SCP2: variants seen among roughly 807,000 people sequenced by gnomAD.
SCP2 encodes SCP-2/3-oxoacyl-CoA thiolase.
Under a neutral mutation model 71.4 loss-of-function variants are expected in SCP2, and 48 were observed. That is an observed-to-expected ratio of 0.67 (90% CI 0.53 to 0.86). The LOEUF (loss-of-function observed/expected upper bound fraction) is 0.86, where lower values mean the gene tolerates loss of function less well. Among genes scored for constraint, SCP2 ranks in the 40% least tolerant of loss-of-function variants. The probability of loss-of-function intolerance (pLI) is 0.00; values close to 1 mark genes in which losing one functional copy is unlikely to be tolerated. For missense variants in SCP2, 560 were observed against 655.6 expected (o/e 0.85, Z 1.59); for synonymous variants, 220 against 218.1 (o/e 1.01, Z -0.08).
At position 53,038,338 on chromosome 1, in the gene SCP2, C is replaced by T. The variant is rs575726746; in HGVS notation, c.1339-579C>T. Among the ~76,000 whole-genome samples, 9 of 150,900 alleles carry T rather than the reference C, an allele frequency of 6.0e-5. No homozygotes were observed. The East Asian group carries it at 7.8e-4, about 13-fold the overall frequency. ...ATCTTTCCCAACTTATTGAAACATA[C>T]GAGGGCTATTTTGGCAGAAAATGCT... On this transcript the variant is annotated intron_variant, in intron 13 of 15. Coordinates refer to ENST00000371514, the MANE Select transcript of SCP2 (RefSeq NM_002979.5).
At chr1:53,023,913 C>T (rs1661923761) in intron 12 of SCP2, among the ~76,000 whole-genome samples, 2 of 152,102 alleles carry the variant, frequency 1.3e-5, no homozygotes, top group Admixed American at 6.6e-5. Flanking sequence ...AAATAGAAGC[C>T]ATTAAACCCA....
intron 1 of SCP2, among the ~76,000 whole-genome samples, chr1:52,941,484 C>T (rs531779735): frequency 6.6e-6 from 1 of 152,056 alleles, no homozygotes; most frequent in African/African-American, 2.4e-5. Flanking sequence ...CACCTGTAAT[C>T]CCAGCACTTT....
At chr1:52,972,440 GA>G (rs1375941541) in intron 6 of SCP2, among the ~76,000 whole-genome samples, 1 of 152,144 alleles carries the variant, frequency 6.6e-6, no homozygotes, top group East Asian at 1.9e-4. Flanking sequence ...AAAAAAGGAA[GA>G]AAAGATACGA....
At chr1:52,933,206 C>T (rs1163306567) in intron 1 of SCP2, among the ~76,000 whole-genome samples, 1 of 152,052 alleles carries the variant, frequency 6.6e-6, no homozygotes, top group African/African-American at 2.4e-5. Context: ...TGAGTGATGC[C>T]GAAAGGATTC....
At position 52,978,077 on chromosome 1, in the gene SCP2, A is replaced by C. The variant is rs1181287602; in HGVS notation, c.675-140A>C. On this transcript the variant is annotated intron_variant, in intron 8 of 15. Transcript: ENST00000371514. ...CAGGTGGGAAGCATGTGTGATTTAC[A>C]ACTGTAGATATCACAAAGAAGACAA... The C allele has an allele frequency of 6.6e-6, 5 of 760,106 alleles. No individual in the cohort carries two copies. The South Asian group carries it at 7.4e-5, about 11-fold the overall frequency. 47.1% of individuals were successfully genotyped at this position (760,106 alleles called of 1,614,324 possible).
At chr1:53,036,410 G>T (rs1374396251) in intron 13 of SCP2, among the ~76,000 whole-genome samples, 1 of 150,118 alleles carries the variant, frequency 6.7e-6, no homozygotes, top group Non-Finnish European at 1.5e-5. Context: ...TTATTTAAGG[G>T]TAAATCCCTA....
At chr1:52,986,325 A>G (rs1347440040) in intron 10 of SCP2, among the ~76,000 whole-genome samples, 1 of 152,210 alleles carries the variant, frequency 6.6e-6, no homozygotes, top group Non-Finnish European at 1.5e-5. Context: ...TTAGTTTGCT[A>G]TTACTTGCTA....
intron 2 of SCP2, 103 bp from the exon 3 acceptor site, chr1:52,947,906 C>G (rs1280231758): frequency 1.3e-6 from 1 of 777,954 alleles, no homozygotes; most frequent in Non-Finnish European, 2.3e-6. Context: ...TGAGCATAGA[C>G]TATATAGAGG....
intron 1 of SCP2, among the ~76,000 whole-genome samples, chr1:52,928,148 C>T (rs890237503): frequency 6.6e-6 from 1 of 152,220 alleles, no homozygotes; most frequent in African/African-American, 2.4e-5. Context: ...TTCTCCAGGA[C>T]GCCTCGGATC....
chr1:53,022,086 A>C (rs2150237628), intron 12 of SCP2, among the ~76,000 whole-genome samples: 1 of 152,378 alleles, frequency 6.6e-6, no homozygotes, highest in South Asian at 2.1e-4. Flanking sequence ...AATTAATCTT[A>C]GAACGTTTTC....
chr1:53,045,861 C>A (rs1663774982), intron 14 of SCP2, among the ~76,000 whole-genome samples: 1 of 152,144 alleles, frequency 6.6e-6, no homozygotes, highest in South Asian at 2.1e-4. Context: ...CTATAGTCAG[C>A]CCCCTCAGGC....
chr1:53,043,187 C>T (rs1663554674), intron 14 of SCP2, among the ~76,000 whole-genome samples: 1 of 152,152 alleles, frequency 6.6e-6, no homozygotes, highest in African/African-American at 2.4e-5. Flanking sequence ...AGGGTATATA[C>T]CTTCCCTGAG....
chr1:53,041,367 A>C (rs1428676386), intron 14 of SCP2, among the ~76,000 whole-genome samples: 3 of 151,090 alleles, frequency 2.0e-5, no homozygotes, highest in East Asian at 1.9e-4. Flanking sequence ...GCACCATTGC[A>C]CTCCAGCCTG....
At chr1:52,988,688 C>CTT (rs71744669) in intron 11 of SCP2, among the ~76,000 whole-genome samples, 6 of 133,416 alleles carry the variant, frequency 4.5e-5, no homozygotes, top group Non-Finnish European at 6.3e-5. Context: ...TCTTTCTTTT[C>CTT]TTTTTTTTTT....
At chr1:52,959,135 T>G (rs934650877) in intron 5 of SCP2, among the ~76,000 whole-genome samples, 5 of 152,116 alleles carry the variant, frequency 3.3e-5, no homozygotes, top group Non-Finnish European at 7.4e-5. Context: ...TTCTCTTAAA[T>G]TTTTGGTAGA....
chr1:53,041,997 C>T (rs1334732705), intron 14 of SCP2, among the ~76,000 whole-genome samples: 2 of 151,864 alleles, frequency 1.3e-5, no homozygotes, highest in Non-Finnish European at 2.9e-5. Flanking sequence ...TTAACGTGCA[C>T]GGTTGAATAA....
chr1:52,927,557 G>A, intron 1 of SCP2, 92 bp downstream of exon 1: 1 of 959,068 alleles, frequency 1.0e-6, no homozygotes, highest in Non-Finnish European at 1.6e-6. Context: ...AGCTTCGACT[G>A]CTCCGCGCGT....
In SCP2 at chr1:52,980,380, A is replaced by G; in HGVS notation, c.826-16A>G. The G allele has an allele frequency of 6.2e-7, 1 of 1,612,472 alleles. No individual in the cohort carries two copies. Among genetic ancestry groups the G allele is most frequent in the Non-Finnish European group, 8.5e-7 (1 of 1,179,274 alleles). ...CAGTTTTGGTGCCCTTTATTTATAT[A>G]TGGTTTTGGTTTTAGGTTGGCTTTG... On this transcript the variant is annotated splice_polypyrimidine_tract_variant and intron_variant, in intron 9 of 15. Coordinates refer to ENST00000371514, the MANE Select transcript of SCP2 (RefSeq NM_002979.5).
intron 11 of SCP2, among the ~76,000 whole-genome samples, chr1:53,010,105 G>A (rs1660887595): frequency 6.6e-6 from 1 of 152,112 alleles, no homozygotes; most frequent in Non-Finnish European, 1.5e-5. Context: ...TTAGAATGGT[G>A]ATCATTAAAA....
Sources: gnomAD v4.1 joint callset for allele counts (sites outside exome capture counted in the v4.1 genomes callset) on GRCh38, gnomAD v4.1.1 for gene constraint, MANE v1.5 for transcripts, NCBI Gene and HGNC (gene_info 2026-07-23, HGNC 2026-07-21) for gene names.